The following SPAG5 variants were observed in gnomAD, a reference collection of about 807,000 sequenced individuals.
The protein encoded by SPAG5 is sperm associated antigen 5, also known as sperm-associated antigen 5.
In SPAG5, 99 loss-of-function variants were observed where a neutral mutation model predicts 145.4. The ratio of observed to expected loss-of-function variants is 0.68; its 90% CI spans 0.58 to 0.80. SPAG5 has a LOEUF of 0.80. Ranked by LOEUF, SPAG5 falls within the 30% of genes least tolerant of loss-of-function variation. The probability of loss-of-function intolerance (pLI) is 0.00; values close to 1 mark genes in which losing one functional copy is unlikely to be tolerated. For synonymous variants in SPAG5, 477 were observed against 525.4 expected, an observed-to-expected ratio of 0.91 and a Z score of 1.26; for missense variants, 1,192 against 1,416.0, an observed-to-expected ratio of 0.84 and a Z score of 2.54.
intron 8 of SPAG5, 27 bp downstream of exon 8, chr17:28,585,507 C>A (rs764831110): frequency 9.9e-6 from 16 of 1,613,796 alleles, no homozygotes; most frequent in African/African-American, 1.3e-5. Flanking sequence ...AGCACAGACC[C>A]CAGGAAAGAA....
In SPAG5 at chr17:28,578,459, G is replaced by A. The variant is rs778755914; in HGVS notation, c.3268C>T (p.Gln1090Ter). The change falls in exon 21 of 24, where the codon CAG (glutamine) becomes TAG (stop). Residue 1090 changes from glutamine (Q) to a stop codon, truncating the protein, a stop_gained. Coordinates refer to ENST00000321765, the MANE Select transcript of SPAG5 (RefSeq NM_006461.4). LOFTEE classifies it high-confidence loss of function. ...RRAETETKVLQEALAGQLDSN... is the reference protein window; with the variant it reads ...RRAETETKVL Reference sequence around the variant, plus strand: ...TCCAGCTGGCCTGCCAGGGCCTCCTGGAGCACTTTGGTCTCTGTCTCCGCA... The same window carrying A: ...TCCAGCTGGCCTGCCAGGGCCTCCTAGAGCACTTTGGTCTCTGTCTCCGCA... 1 of 1,613,814 alleles carries A rather than the reference G, an allele frequency of 6.2e-7. No individual in the cohort carries two copies. The highest frequency in any genetic ancestry group is 8.5e-7 in the Non-Finnish European group (1 of 1,180,026).
At chr17:28,584,093 G>A in intron 13 of SPAG5, 57 bp downstream of exon 13, 1 of 1,608,038 alleles carries the variant, frequency 6.2e-7, no homozygotes, top group Middle Eastern at 1.7e-4. Flanking sequence ...ACACTATCAG[G>A]CAAGAATCAC....
Position 28,579,504 on chromosome 17 carries a change from G to T in SPAG5, c.2885-19C>A, listed in dbSNP as rs2070535728. ...GGGGTCTCTGAAAGAGAAAGTCCCA[G>T]ATAGAGGTCTAGCCTTCCAGCCCTG... On this transcript the variant is annotated intron_variant, in intron 17 of 23. Transcript: ENST00000321765. 6.2e-7 allele frequency: 1 copy of T among 1,612,078 alleles called. No individual in the cohort carries two copies. Among genetic ancestry groups the T allele is most frequent in the East Asian group, 2.2e-5 (1 of 44,878 alleles).
At position 28,580,013 on chromosome 17, in the gene SPAG5, A is replaced by G. The variant is rs1228063142; in HGVS notation, c.2793T>C (p.Asp931=). ...FLGSILTAVA[D]EEPESTPVPL... The stretch of plus-strand genomic sequence containing the variant: ...CCAAATCCCAGGGCCTTTAACCTTC[A>G]TCTGCCACTGCTGTCAAGATGCTTC... The change falls in exon 16 of 24, where the codon GAT becomes GAC. Residue 931 remains aspartate, a synonymous_variant. Coordinates refer to ENST00000321765, the MANE Select transcript of SPAG5 (RefSeq NM_006461.4). 6.2e-7 allele frequency: 1 copy of G among 1,612,792 alleles called. No homozygotes were observed. Among genetic ancestry groups the G allele is most frequent in the East Asian group, 2.2e-5 (1 of 44,894 alleles).
intron 2 of SPAG5, among the ~76,000 whole-genome samples, chr17:28,597,909 A>G (rs568787411): frequency 6.6e-5 from 10 of 152,166 alleles, no homozygotes; most frequent in Non-Finnish European, 1.5e-4. Context: ...CAGGAAGACA[A>G]TTTTTCCAGG....
At chr17:28,580,840 T>G (rs1023736096) in intron 15 of SPAG5, 1 of 152,254 alleles carries the variant, frequency 6.6e-6, no homozygotes, top group Non-Finnish European at 1.5e-5. Context: ...CCCTTCCACA[T>G]GAATGACTCT....
chr17:28,584,562 T>C, intron 11 of SPAG5, 82 bp from the exon 12 acceptor site: 1 of 1,598,474 alleles, frequency 6.3e-7, no homozygotes, highest in South Asian at 1.1e-5. Context: ...CAAGTGCTCC[T>C]GAGTACTTCC....
In SPAG5 at chr17:28,585,159, T is replaced by C. The variant is rs758931092; in HGVS notation, c.2010A>G (p.Thr670=). The part of the protein sequence containing the change: ...SRSRQLTEKL[T]VKSQQALQER... ...CCTGCAGGGCTTGCTGGCTCTTGAC[T>C]GTGAGTTTCTCTGTGAGTTGTCGGG... Residue 670 remains threonine, a synonymous_variant, in exon 10 of 24, where the codon ACA becomes ACG. Transcript: ENST00000321765. The C allele has an allele frequency of 1.2e-6, 2 of 1,614,240 alleles. No individual in the cohort carries two copies. The highest frequency in any genetic ancestry group is 1.1e-5 in the South Asian group (1 of 91,086).
At chr17:28,578,853 T>C in intron 19 of SPAG5, 101 bp from the exon 20 acceptor site, 1 of 943,396 alleles carries the variant, frequency 1.1e-6, no homozygotes, top group South Asian at 1.3e-5. Context: ...TTAGCCCACA[T>C]GGGACCAATT....
chr17:28,579,858 G>A lies in SPAG5; in HGVS notation c.2798-21C>T, dbSNP rs565040580. On this transcript the variant is annotated intron_variant, in intron 16 of 23. Transcript: ENST00000321765. ...TGGCTCTAAGAGAAAAACCAATAAT[G>A]GGAGAGGGCCCCTCTGATGATCCAG... 23 of 1,608,018 alleles carry A rather than the reference G, an allele frequency of 1.4e-5. No individual in the cohort carries two copies. The East Asian group carries it at 2.9e-4, about 20-fold the overall frequency.
At position 28,578,658 on chromosome 17, in the gene SPAG5, G is replaced by A; in HGVS notation, c.3198+14C>T. ...ACACAGAAGGCAAAGGCCTGGGCAT[G>A]ATGGTGAACATACTATGAGCTCGCC... On this transcript the variant is annotated intron_variant, in intron 20 of 23. Coordinates refer to ENST00000321765, the MANE Select transcript of SPAG5 (RefSeq NM_006461.4). 3 of 1,612,690 alleles carry A rather than the reference G, an allele frequency of 1.9e-6. No homozygotes were observed. Among genetic ancestry groups the A allele is most frequent in the Non-Finnish European group, 2.5e-6 (3 of 1,178,710 alleles).
chr17:28,592,729 T>A lies in SPAG5; in HGVS notation c.515A>T (p.Glu172Val). ...GTCTCCCATGCAGGGTGCCACCTCC[T>A]CTCTCACCAGATCGTCTGTTCTCAA... ...GPLRTDDLVR[E>V]EVAPCMGDRF... Residue 172 changes from glutamate (E) to valine (V), a missense_variant, in exon 3 of 24, where the codon GAG (glutamate) becomes GTG (valine). Glu to Val is a moderately radical substitution (Grantham distance 121). Around this residue, in one of 5 missense-constraint regions of SPAG5, gnomAD observed 329 missense variants for 354.0 expected, o/e 0.93. Coordinates refer to ENST00000321765, the MANE Select transcript of SPAG5 (RefSeq NM_006461.4). The A allele has an allele frequency of 6.2e-7, 1 of 1,614,204 alleles. No homozygotes were observed. The highest frequency in any genetic ancestry group is 8.5e-7 in the Non-Finnish European group (1 of 1,180,018).
chr17:28,589,083 A>G (rs996900033), intron 4 of SPAG5, among the ~76,000 whole-genome samples: 1 of 152,066 alleles, frequency 6.6e-6, no homozygotes, highest in Non-Finnish European at 1.5e-5. Flanking sequence ...CATATTACCA[A>G]TATTGACAAT....
At chr17:28,581,418 C>T (rs1057367966) in intron 15 of SPAG5, among the ~76,000 whole-genome samples, 1 of 151,380 alleles carries the variant, frequency 6.6e-6, no homozygotes, top group African/African-American at 2.4e-5. Flanking sequence ...CGTCCTGCTA[C>T]CTGGGACTCC....
chr17:28,577,910 C>G, intron 23 of SPAG5, 100 bp downstream of exon 23: 1 of 1,253,956 alleles, frequency 8.0e-7, no homozygotes, highest in Non-Finnish European at 1.2e-6. Flanking sequence ...AGGCCCAGCT[C>G]TCAGCACAGG....
Position 28,585,445 on chromosome 17 carries a change from T to C in SPAG5, c.1861-34A>G, listed in dbSNP as rs770988451. 78 of 1,613,768 alleles carry C rather than the reference T, an allele frequency of 4.8e-5. No homozygotes were observed. In the East Asian group the frequency reaches 1.7e-3, roughly 35 times the overall value. On this transcript the variant is annotated intron_variant, in intron 8 of 23. Coordinates refer to ENST00000321765, the MANE Select transcript of SPAG5 (RefSeq NM_006461.4). ...GAAAGATTGCCTAGGCGGGAACCCC[T>C]TCCCTTTGGATACAGCAAAGTGGGA...
intron 15 of SPAG5, among the ~76,000 whole-genome samples, chr17:28,581,801 G>A (rs2151519756): frequency 6.6e-6 from 1 of 152,262 alleles, no homozygotes; most frequent in African/African-American, 2.4e-5. Context: ...CCTCCCGTCT[G>A]GGTGTCTGAG....
At chr17:28,591,386 C>T (rs1018469563) in intron 4 of SPAG5, among the ~76,000 whole-genome samples, 2 of 152,228 alleles carry the variant, frequency 1.3e-5, no homozygotes, top group African/African-American at 2.4e-5. Context: ...CCTCCTGCCT[C>T]AGCCTCCTGA....
At chr17:28,582,062 T>A (rs2070552701) in intron 15 of SPAG5, among the ~76,000 whole-genome samples, 1 of 152,186 alleles carries the variant, frequency 6.6e-6, no homozygotes, top group Non-Finnish European at 1.5e-5. Flanking sequence ...ATCTATTGAA[T>A]CCATTCACTC....
Sources: gnomAD v4.1 joint callset for allele counts (sites outside exome capture counted in the v4.1 genomes callset) on GRCh38, gnomAD v4.1.1 for gene constraint, gnomAD v4.1.1 regional missense constraint, MANE v1.5 for transcripts, NCBI Gene and HGNC (gene_info 2026-07-23, HGNC 2026-07-21) for gene names.